RTL4: variants seen among roughly 807,000 people sequenced by gnomAD.
RTL4 encodes the protein retrotransposon Gag-like protein 4.
Under a neutral mutation model 5.3 loss-of-function variants are expected in RTL4, and 4 were observed. The observed-to-expected ratio is 0.75, with a 90% confidence interval of 0.37 to 1.72. The LOEUF (loss-of-function observed/expected upper bound fraction) is 1.72. RTL4 is among the 40% of genes most tolerant of loss of function. The pLI, the probability that RTL4 is intolerant of heterozygous loss-of-function variation, is 0.04. For missense variants in RTL4, 260 were observed against 227.1 expected, an observed-to-expected ratio of 1.14 and a Z score of -0.93; for synonymous variants, 98 against 87.3, an observed-to-expected ratio of 1.12 and a Z score of -0.68.
At chrX:112,370,512 A>ATTT in the RTL4 span, among the ~76,000 whole-genome samples, 1 of 111,753 alleles carries the variant, frequency 8.9e-6, no homozygotes, top group African/African-American at 3.2e-5. Context: ...GTGAGAAGAC[A>ATTT]TTTTTATCTG....
the RTL4 span, among the ~76,000 whole-genome samples, chrX:112,089,174 A>G: frequency 9.0e-6 from 1 of 110,543 alleles, no homozygotes; most frequent in Non-Finnish European, 1.9e-5. Context: ...GGTTAGTTAC[A>G]TATGTATACA....
the RTL4 span, among the ~76,000 whole-genome samples, chrX:112,282,292 A>G: frequency 2.7e-5 from 3 of 112,045 alleles, no homozygotes; most frequent in African/African-American, 9.7e-5. Flanking sequence ...TCAATTGACC[A>G]TAAATGCATG....
the RTL4 span, among the ~76,000 whole-genome samples, chrX:112,115,243 C>T: frequency 9.0e-6 from 1 of 111,461 alleles, no homozygotes; most frequent in Non-Finnish European, 1.9e-5. Context: ...TGAGGAAGGT[C>T]GGATTTAGTG....
At chrX:112,148,065 C>A in the RTL4 span, among the ~76,000 whole-genome samples, 1 of 111,057 alleles carries the variant, frequency 9.0e-6, no homozygotes, top group Non-Finnish European at 1.9e-5. Context: ...ACCTGGTCAG[C>A]CAACATACAT....
At chrX:112,169,994 A>C in the RTL4 span, among the ~76,000 whole-genome samples, 1 of 112,366 alleles carries the variant, frequency 8.9e-6, no homozygotes, top group African/African-American at 3.2e-5. Context: ...CAGTTCTCCC[A>C]GCACCATTTA....
chrX:112,430,902 T>C, the RTL4 span, among the ~76,000 whole-genome samples: 1 of 112,381 alleles, frequency 8.9e-6, no homozygotes, highest in Non-Finnish European at 1.9e-5. Flanking sequence ...TCTTTTAGTA[T>C]GCCTTGTAAT....
At chrX:112,363,028 G>C in the RTL4 span, among the ~76,000 whole-genome samples, 1 of 110,987 alleles carries the variant, frequency 9.0e-6, no homozygotes, top group Middle Eastern at 4.6e-3. Context: ...TCAATACTCA[G>C]TTCCCCTTTC....
chrX:112,367,213 TAG>T, the RTL4 span, among the ~76,000 whole-genome samples: 1 of 111,000 alleles, frequency 9.0e-6, no homozygotes, highest in Non-Finnish European at 1.9e-5. Context: ...AGCAGAAAAA[TAG>T]AAAGAGAACA....
the RTL4 span, among the ~76,000 whole-genome samples, chrX:112,170,345 G>A: frequency 2.5e-4 from 28 of 111,405 alleles, no homozygotes; most frequent in African/African-American, 8.2e-4. Context: ...AAATTACTTC[G>A]GGCATTTTCC....
the RTL4 span, among the ~76,000 whole-genome samples, chrX:112,113,839 C>T: frequency 8.9e-6 from 1 of 112,000 alleles, no homozygotes; most frequent in Non-Finnish European, 1.9e-5. Flanking sequence ...TTTCTATCCT[C>T]TCTGAACCAG....
the RTL4 span, among the ~76,000 whole-genome samples, chrX:112,276,260 A>AGAT: frequency 9.0e-6 from 1 of 111,684 alleles, no homozygotes; most frequent in Non-Finnish European, 1.9e-5. Flanking sequence ...CATGAACAAG[A>AGAT]GATTGATGTT....
the RTL4 span, among the ~76,000 whole-genome samples, chrX:112,237,989 T>C: frequency 5.4e-5 from 6 of 111,848 alleles, no homozygotes; most frequent in Non-Finnish European, 1.1e-4. Context: ...TCAGAGAAAA[T>C]CCTATTTCAC....
the RTL4 span, among the ~76,000 whole-genome samples, chrX:112,124,605 A>T: frequency 9.2e-6 from 1 of 108,977 alleles, no homozygotes; most frequent in African/African-American, 3.3e-5. Context: ...GTTCTCACTC[A>T]TAAGTGGGAG....
At chrX:112,197,201 T>A in the RTL4 span, among the ~76,000 whole-genome samples, 1 of 105,287 alleles carries the variant, frequency 9.5e-6, no homozygotes, top group Non-Finnish European at 1.9e-5. Flanking sequence ...ACAGTTGTTA[T>A]ATGAAAAAAA....
At chrX:112,457,346 C>T (rs1254544625), downstream of RTL4, among the ~76,000 whole-genome samples, 1 of 112,113 alleles carries the variant, frequency 8.9e-6, no homozygotes, top group Non-Finnish European at 1.9e-5. Context: ...GCTCCCACAA[C>T]AGAGACCTGA....
At chrX:112,445,290 T>G in the RTL4 span, among the ~76,000 whole-genome samples, 1 of 112,419 alleles carries the variant, frequency 8.9e-6, no homozygotes, top group Non-Finnish European at 1.9e-5. Context: ...TTCCGTTTAC[T>G]TTCCTTTTTG....
the RTL4 span, among the ~76,000 whole-genome samples, chrX:112,338,136 A>G: frequency 8.9e-6 from 1 of 111,907 alleles, no homozygotes; most frequent in Non-Finnish European, 1.9e-5. Context: ...TCATTTTCAT[A>G]CACTCACACA....
the RTL4 span, among the ~76,000 whole-genome samples, chrX:112,189,473 G>A: frequency 9.0e-6 from 1 of 111,633 alleles, no homozygotes; most frequent in African/African-American, 3.3e-5. Context: ...AACTGAACAT[G>A]TGTAACAGTT....
the RTL4 span, among the ~76,000 whole-genome samples, chrX:112,117,708 G>A: frequency 9.0e-6 from 1 of 111,570 alleles, no homozygotes; most frequent in Non-Finnish European, 1.9e-5. Flanking sequence ...GGGGAAATGG[G>A]CACGTGTACA....
Sources: allele counts gnomAD v4.1 joint callset (sites outside exome capture counted in the v4.1 genomes callset), GRCh38; gene constraint gnomAD v4.1.1; transcripts MANE v1.5; gene names NCBI Gene and HGNC (gene_info 2026-07-23, HGNC 2026-07-21).